Variants in CCL16 observed in about 807,000 individuals in gnomAD.
CCL16 encodes C-C motif chemokine ligand 16.
In CCL16, 6 loss-of-function variants were observed where a neutral mutation model predicts 7.5. The observed-to-expected ratio is 0.80, with a 90% CI of 0.44 to 1.57. The LOEUF is 1.57. CCL16 is among the 40% of genes most tolerant of loss of function. The pLI, the probability that CCL16 is intolerant of heterozygous loss-of-function variation, is 0.01. For missense variants in CCL16, 134 were observed against 142.9 expected, an observed-to-expected ratio of 0.94 and a Z score of 0.32; for synonymous variants, 60 against 57.7, an observed-to-expected ratio of 1.04 and a Z score of -0.18.
chr17:35,979,327 C>T (rs755548823), intron 1 of CCL16, among the ~76,000 whole-genome samples: 2 of 151,984 alleles, frequency 1.3e-5, no homozygotes, highest in African/African-American at 2.4e-5. Flanking sequence ...CACATACCTG[C>T]TGAGCTACTG....
chr17:35,977,258 CAGTGAGCCAAGATCA>C lies in CCL16; in HGVS notation c.*293_*307del, dbSNP rs144545525. The stretch of plus-strand genomic sequence containing the variant: ...ACTTGAGCCTGGGAGGTGGAGGTTA[CAGTGAGCCAAGATCA>C]AGTGAGCCAAGATCACACCACTGCA... On this transcript the variant is annotated 3_prime_UTR_variant, in exon 3 of 3. Transcript: ENST00000611905. 0.095 allele frequency: 16,007 copies of C among 167,876 alleles called. 940 individuals carry two copies. The highest frequency in any genetic ancestry group is 0.17 in the Admixed American group (2,730 of 15,710). 10.4% of individuals were successfully genotyped at this position (167,876 alleles called of 1,614,324 possible). A position where few individuals can be genotyped will look rare whatever the true frequency, so the allele number is the denominator to read the frequency against.
chr17:35,980,385 G>A (rs150603274), intron 1 of CCL16: 1,666 of 153,268 alleles, frequency 0.011, 15 homozygotes, highest in Non-Finnish European at 0.017. Flanking sequence ...GCTGGGCGTG[G>A]TGGTGTGTGC....
rs2089645675 is a variant in CCL16 at position 35,977,360 on chromosome 17, T to C, written c.*206A>G. The C allele has an allele frequency of 5.1e-6, 2 of 394,318 alleles. No individual in the cohort carries two copies. Among genetic ancestry groups the C allele is most frequent in the Non-Finnish European group, 8.8e-6 (2 of 226,578 alleles). 24.4% of individuals were successfully genotyped at this position (394,318 alleles called of 1,614,324 possible). A position where few individuals can be genotyped will look rare whatever the true frequency, so the allele number is the denominator to read the frequency against. ...AAAAATAAAAATATAAATATAAAAATAAAAGAGCGTACCTCTGCCCACGTC... is the reference window on the plus strand; with the variant it reads ...AAAAATAAAAATATAAATATAAAAACAAAAGAGCGTACCTCTGCCCACGTC... On this transcript the variant is annotated 3_prime_UTR_variant, in exon 3 of 3. Coordinates refer to ENST00000611905, the MANE Select transcript of CCL16 (RefSeq NM_004590.4).
chr17:35,979,955 A>G (rs2089668464), intron 1 of CCL16, among the ~76,000 whole-genome samples: 2 of 152,178 alleles, frequency 1.3e-5, no homozygotes, highest in South Asian at 2.1e-4. Flanking sequence ...TGAGAGCACC[A>G]TCTTGCTGAT....
At chr17:35,978,055 C>A in intron 2 of CCL16, 88 bp downstream of exon 2, 1 of 1,560,284 alleles carries the variant, frequency 6.4e-7, no homozygotes, top group Non-Finnish European at 8.8e-7. Flanking sequence ...CTGCTTCTAG[C>A]ATGGAGACCT....
chr17:35,978,313 C>G (rs1367445820), intron 1 of CCL16, 50 bp from the exon 2 acceptor site: 1 of 1,612,440 alleles, frequency 6.2e-7, no homozygotes, highest in Non-Finnish European at 8.5e-7. Flanking sequence ...GGGGAGACCA[C>G]AGCTGCCCAC....
In CCL16 at chr17:35,976,554, C is replaced by G. The variant is rs1191151142; in HGVS notation, c.*1012G>C. The G allele has an allele frequency of 2.0e-5, 3 of 152,094 alleles. No individual in the cohort carries two copies. Among genetic ancestry groups the G allele is most frequent in the Non-Finnish European group, 2.9e-5 (2 of 68,028 alleles). 9.4% of individuals were successfully genotyped at this position (152,094 alleles called of 1,614,324 possible). A position where few individuals can be genotyped will look rare whatever the true frequency, so the allele number is the denominator to read the frequency against. On this transcript the variant is annotated 3_prime_UTR_variant, in exon 3 of 3. Coordinates refer to ENST00000611905, the MANE Select transcript of CCL16 (RefSeq NM_004590.4). ...GTTTGGGTTTTGGACTAAGAGTTTA[C>G]CCCTAGCCGTGTCTCATACCCTTTC...
Position 35,981,335 on chromosome 17 carries a change from G to T in CCL16, c.76+10C>A, listed in dbSNP as rs753448636. 1 of 1,602,636 alleles carries T rather than the reference G, an allele frequency of 6.2e-7. No individual in the cohort carries two copies. The highest frequency in any genetic ancestry group is 8.5e-7 in the Non-Finnish European group (1 of 1,171,472). On this transcript the variant is annotated intron_variant, in intron 1 of 2. Transcript: ENST00000611905. ...TCTCGTTCCTGCCCTACAGAGACAA[G>T]TGGACTCACTTGGCTGGCTGCGAGA...
rs1284379315 is a variant in CCL16 at position 35,981,344 on chromosome 17, C to T, written c.76+1G>A. 2 of 1,609,830 alleles carry T rather than the reference C, an allele frequency of 1.2e-6. No homozygotes were observed. The highest frequency in any genetic ancestry group is 1.1e-5 in the South Asian group (1 of 90,242). The stretch of plus-strand genomic sequence containing the variant: ...TGCCCTACAGAGACAAGTGGACTCA[C>T]TTGGCTGGCTGCGAGAAGCCGAAGT... On this transcript the variant is annotated splice_donor_variant, in intron 1 of 2. Coordinates refer to ENST00000611905, the MANE Select transcript of CCL16 (RefSeq NM_004590.4). LOFTEE classifies it high-confidence loss of function.
At position 35,981,452 on chromosome 17, in the gene CCL16, A is replaced by G; in HGVS notation, c.-32T>C. The stretch of plus-strand genomic sequence containing the variant: ...AGCGAGGCAGTACAGCTTCAGGGAG[A>G]GCCGAATGAAGATGTTGTCTGTTGC... On this transcript the variant is annotated 5_prime_UTR_variant, in exon 1 of 3. Coordinates refer to ENST00000611905, the MANE Select transcript of CCL16 (RefSeq NM_004590.4). The G allele has an allele frequency of 1.3e-6, 2 of 1,519,366 alleles. No individual in the cohort carries two copies. Among genetic ancestry groups the G allele is most frequent in the South Asian group, 2.3e-5 (2 of 85,822 alleles). 94.1% of individuals were successfully genotyped at this position (1,519,366 alleles called of 1,614,324 possible).
chr17:35,980,577 GA>G, intron 1 of CCL16: 1 of 174,602 alleles, frequency 5.7e-6, no homozygotes, highest in South Asian at 1.3e-4. Context: ...AAACAAAAGC[GA>G]AAAGAATGGC....
Position 35,978,178 on chromosome 17 carries a change from G to C in CCL16, c.162C>G (p.Tyr54Ter). 6.2e-7 allele frequency: 1 copy of C among 1,614,180 alleles called. No homozygotes were observed. Among genetic ancestry groups the C allele is most frequent in the Non-Finnish European group, 8.5e-7 (1 of 1,180,018 alleles). The change falls in exon 2 of 3, where the codon TAC (tyrosine) becomes TAG (stop). Residue 54 changes from tyrosine (Y) to a stop codon, truncating the protein, a stop_gained. Transcript: ENST00000611905. LOFTEE classifies it low-confidence loss of function (END_TRUNC). Reference sequence around the variant, plus strand: ...GCAGGTGACAGTTGAGGGCCTTTCTGTATCCCACCACTAGTCTCCTTGGCA... The same window carrying C: ...GCAGGTGACAGTTGAGGGCCTTTCTCTATCCCACCACTAGTCTCCTTGGCA... ...KVLPRRLVVG[Y>*]RKALNCHLPA... is the part of the protein sequence containing the mutation.
At chr17:35,980,540 C>G (rs2089673198) in intron 1 of CCL16, 1 of 186,040 alleles carries the variant, frequency 5.4e-6, no homozygotes, top group African/African-American at 2.4e-5. Context: ...CAAAACAAAA[C>G]AAAACACAAC....
chr17:35,977,991 G>T, intron 2 of CCL16, 152 bp downstream of exon 2: 1 of 1,149,120 alleles, frequency 8.7e-7, no homozygotes, highest in Non-Finnish European at 1.2e-6. Flanking sequence ...GCAAAATTAG[G>T]AATTAATCCC....
chr17:35,980,974 T>C (rs549244388), intron 1 of CCL16, among the ~76,000 whole-genome samples: 1 of 152,264 alleles, frequency 6.6e-6, no homozygotes, highest in Admixed American at 6.5e-5. Flanking sequence ...CACTCATTCT[T>C]CCAGGGCACC....
rs914455047 is a variant in CCL16, at chr17:35,979,852, A to G, written c.76+1493T>C. Reference sequence around the variant, plus strand: ...GGGATACTACACAAGAGGTCAGTCCAGAGATCTCTCCCAGCCCCCAAACCT... The same window carrying G: ...GGGATACTACACAAGAGGTCAGTCCGGAGATCTCTCCCAGCCCCCAAACCT... On this transcript the variant is annotated intron_variant, in intron 1 of 2. Transcript: ENST00000611905. Among the ~76,000 whole-genome samples, 4 of 152,194 alleles carry G rather than the reference A, an allele frequency of 2.6e-5. No homozygotes were observed. The South Asian group carries it at 8.3e-4, about 32-fold the overall frequency.
Position 35,976,951 on chromosome 17 carries a change from C to T in CCL16, c.*615G>A, listed in dbSNP as rs1264802210. On this transcript the variant is annotated 3_prime_UTR_variant, in exon 3 of 3. Transcript: ENST00000611905. ...GAAACTGGCTAAGTATTTAGAATGGCTTGTGTACTGGTGTGAAGTGAGGAA... is the reference window on the plus strand; with the variant it reads ...GAAACTGGCTAAGTATTTAGAATGGTTTGTGTACTGGTGTGAAGTGAGGAA... 1.3e-5 allele frequency: 2 copies of T among 152,386 alleles called. No homozygotes were observed. The highest frequency in any genetic ancestry group is 4.8e-5 in the African/African-American group (2 of 41,526). The allele number at this position is 152,386 out of a possible 1,614,324, so 9.4% of individuals were successfully genotyped here. A position where few individuals can be genotyped will look rare whatever the true frequency, so the allele number is the denominator to read the frequency against.
chr17:35,979,646 C>G (rs1469366863), intron 1 of CCL16, among the ~76,000 whole-genome samples: 2 of 152,112 alleles, frequency 1.3e-5, no homozygotes, highest in African/African-American at 4.8e-5. Flanking sequence ...TAACTCAGAG[C>G]CTGGCACACA....
intron 1 of CCL16, among the ~76,000 whole-genome samples, chr17:35,980,197 G>A (rs1316158088): frequency 6.6e-6 from 1 of 152,176 alleles, no homozygotes; most frequent in African/African-American, 2.4e-5. Context: ...CACAGGCAGA[G>A]TCAGGCCAGA....
Sources: gnomAD v4.1 joint callset for allele counts (sites outside exome capture counted in the v4.1 genomes callset) on GRCh38, gnomAD v4.1.1 for gene constraint, MANE v1.5 for transcripts, NCBI Gene and HGNC (gene_info 2026-07-23, HGNC 2026-07-21) for gene names.